The following CPAP variants were observed in gnomAD, a reference collection of about 807,000 sequenced individuals.
CPAP encodes the protein centrosome assembly and centriole elongation protein, also known as centrosomal P4.1-associated protein.
At chr13:24,914,170 G>C in the CPAP span, among the ~76,000 whole-genome samples, 2 of 152,192 alleles carry the variant, frequency 1.3e-5, no homozygotes, top group Admixed American at 1.3e-4. Flanking sequence ...TCCTCATTTA[G>C]AAGGTAAAAT....
chr13:24,916,232 A>G, the CPAP span, among the ~76,000 whole-genome samples: 1 of 152,194 alleles, frequency 6.6e-6, no homozygotes, highest in African/African-American at 2.4e-5. Flanking sequence ...AGATGGGAAG[A>G]GTCTAGTACT....
chr13:24,889,500 G>A, the CPAP span: 1 of 832,464 alleles, frequency 1.2e-6, no homozygotes, highest in South Asian at 1.5e-5. Flanking sequence ...AATGCTGTGG[G>A]TTTTGTTTAT....
At chr13:24,924,358 G>A in the CPAP span, among the ~76,000 whole-genome samples, 2 of 141,106 alleles carry the variant, frequency 1.4e-5, no homozygotes, top group Non-Finnish European at 3.1e-5. Flanking sequence ...TATTTTATTC[G>A]TATGTTTTTA....
chr13:24,885,541 A>G, the CPAP span: 8 of 1,309,792 alleles, frequency 6.1e-6, no homozygotes, highest in South Asian at 1.2e-5. Context: ...CGTTAAGTCT[A>G]TTAACAAATT....
At chr13:24,910,366 G>A in the CPAP span, among the ~76,000 whole-genome samples, 1 of 152,180 alleles carries the variant, frequency 6.6e-6, no homozygotes, top group Non-Finnish European at 1.5e-5. Flanking sequence ...TGGGATTACA[G>A]GCGTGTGCCA....
the CPAP span, among the ~76,000 whole-genome samples, chr13:24,932,245 C>T: frequency 1.3e-5 from 2 of 152,216 alleles, no homozygotes; most frequent in South Asian, 4.1e-4. Context: ...GGCTGTTAGA[C>T]GTGACTCCTT....
the CPAP span, among the ~76,000 whole-genome samples, chr13:24,920,334 A>G: frequency 6.6e-6 from 1 of 152,244 alleles, no homozygotes; most frequent in Non-Finnish European, 1.5e-5. Flanking sequence ...AAGACAGTGA[A>G]CATAATGATA....
At chr13:24,911,491 G>T in the CPAP span, among the ~76,000 whole-genome samples, 22 of 152,126 alleles carry the variant, frequency 1.4e-4, no homozygotes, top group Admixed American at 5.2e-4. Flanking sequence ...TCAGGCAGGG[G>T]TTGGATACCA....
chr13:24,884,350 C>T, the CPAP span: 2 of 1,614,182 alleles, frequency 1.2e-6, no homozygotes, highest in Non-Finnish European at 1.7e-6. Flanking sequence ...TGACCTGCTT[C>T]ACGTCACCAT....
At chr13:24,898,173 T>A in the CPAP span, among the ~76,000 whole-genome samples, 1 of 152,180 alleles carries the variant, frequency 6.6e-6, no homozygotes. Flanking sequence ...TGGGATTACA[T>A]GAGTGAGCCA....
At chr13:24,883,930 A>C in the CPAP span, 1 of 1,613,724 alleles carries the variant, frequency 6.2e-7, no homozygotes, top group Non-Finnish European at 8.5e-7. Flanking sequence ...TGTCACACTG[A>C]GTGGTTTTTC....
the CPAP span, among the ~76,000 whole-genome samples, chr13:24,919,507 C>T: frequency 6.6e-6 from 1 of 151,752 alleles, no homozygotes; most frequent in East Asian, 1.9e-4. Context: ...GGAGCCTCTA[C>T]CACCCAGGCC....
At chr13:24,910,336 G>A in the CPAP span, among the ~76,000 whole-genome samples, 542 of 152,310 alleles carry the variant, frequency 3.6e-3, 20 homozygotes, top group South Asian at 0.064. Context: ...TGATTCTCGT[G>A]CCTCAGCCTC....
the CPAP span, chr13:24,885,285 AG>A: frequency 1.3e-6 from 2 of 1,598,262 alleles, no homozygotes; most frequent in Non-Finnish European, 1.7e-6. Context: ...CCTTTCCATC[AG>A]GATGACTGAT....
chr13:24,921,165 G>C, the CPAP span, among the ~76,000 whole-genome samples: 1 of 152,068 alleles, frequency 6.6e-6, no homozygotes, highest in Admixed American at 6.5e-5. Context: ...TGAAACTGCC[G>C]GTTGTAACCC....
chr13:24,920,763 A>G, the CPAP span, among the ~76,000 whole-genome samples: 1 of 150,618 alleles, frequency 6.6e-6, no homozygotes, highest in East Asian at 2.0e-4. Flanking sequence ...TGGGACTACA[A>G]GCATGCACCA....
At chr13:24,901,506 T>C in the CPAP span, among the ~76,000 whole-genome samples, 16 of 152,276 alleles carry the variant, frequency 1.1e-4, no homozygotes, top group South Asian at 1.9e-3. Context: ...CACAAGGAAG[T>C]AGATTTTTAA....
chr13:24,897,381 A>G, the CPAP span, among the ~76,000 whole-genome samples: 1 of 152,224 alleles, frequency 6.6e-6, no homozygotes, highest in Admixed American at 6.5e-5. Flanking sequence ...CATAAGCTAC[A>G]TGAGGACAGG....
At chr13:24,905,610 C>A in the CPAP span, 2 of 1,614,212 alleles carry the variant, frequency 1.2e-6, no homozygotes, top group East Asian at 4.5e-5. Context: ...AGAACAACAT[C>A]ATGGTTACAC....
Sources: gnomAD v4.1 joint callset for allele counts (sites outside exome capture counted in the v4.1 genomes callset) on GRCh38, gnomAD v4.1.1 for gene constraint, MANE v1.5 for transcripts, NCBI Gene and HGNC (gene_info 2026-07-23, HGNC 2026-07-21) for gene names.